The following DRC3 variants were observed in gnomAD, a reference collection of about 807,000 sequenced individuals.
DRC3 encodes leucine rich repeat containing 48.
In DRC3, 45 loss-of-function variants were observed where a neutral mutation model predicts 57.6. That is an observed-to-expected ratio of 0.78 (90% CI 0.62 to 1.00). DRC3 has a LOEUF of 1.00. Among genes scored for constraint, DRC3 ranks in the 50% least tolerant of loss-of-function variants. The pLI is 0.00. For synonymous variants in DRC3, 257 were observed against 272.3 expected (o/e 0.94, Z 0.55); for missense variants, 655 against 675.2 (o/e 0.97, Z 0.33).
Position 18,007,120 on chromosome 17 carries a change from CG to C in DRC3, c.1300del (p.Glu434ArgfsTer30). 1 of 1,223,442 alleles carries C rather than the reference CG, an allele frequency of 8.2e-7. No homozygotes were observed. Among genetic ancestry groups the C allele is most frequent in the Non-Finnish European group, 1.0e-6 (1 of 965,186 alleles). 75.8% of individuals were successfully genotyped at this position (1,223,442 alleles called of 1,614,324 possible). ...LEKIVEGDLDEDLPNDLRALF... is the reference protein window; with the variant it reads ...LEKIVEGDLDXDLPNDLRALF... ...AGAAGATTGTCGAGGGCGACCTGGACGAGGACCTGCCTAACGACCTGCGCGC... is the reference window on the plus strand; with the variant it reads ...AGAAGATTGTCGAGGGCGACCTGGACAGGACCTGCCTAACGACCTGCGCGC... On this transcript the variant is annotated frameshift_variant, in exon 12 of 14. Coordinates refer to ENST00000399187, the MANE Select transcript of DRC3 (RefSeq NM_031294.4). LOFTEE classifies it high-confidence loss of function.
chr17:18,010,203 C>A (rs1360874526), intron 12 of DRC3, among the ~76,000 whole-genome samples: 6 of 152,196 alleles, frequency 3.9e-5, no homozygotes, highest in African/African-American at 1.4e-4. Context: ...TTGGCTTGTC[C>A]CTGCCCATCA....
chr17:17,990,384 G>T (rs139527289), intron 5 of DRC3, among the ~76,000 whole-genome samples: 2 of 152,226 alleles, frequency 1.3e-5, no homozygotes, highest in Non-Finnish European at 2.9e-5. Flanking sequence ...CCCTGACCTT[G>T]TCTCTACTCC....
chr17:18,004,379 G>T lies in DRC3; in HGVS notation c.1016G>T (p.Arg339Leu). 4 of 1,604,844 alleles carry T rather than the reference G, an allele frequency of 2.5e-6. No individual in the cohort carries two copies. Among genetic ancestry groups the T allele is most frequent in the Non-Finnish European group, 3.4e-6 (4 of 1,175,216 alleles). Reference protein sequence around the residue: ...EKHLSSLSAIREELELPNIEK... With the variant: ...EKHLSSLSAILEELELPNIEK... ...TGTTTCTAGAGTTTAAGTGCCATTCGAGAGGAGTTGGAACTGCCCAACATT... is the reference window on the plus strand; with the variant it reads ...TGTTTCTAGAGTTTAAGTGCCATTCTAGAGGAGTTGGAACTGCCCAACATT... The change falls in exon 10 of 14, where the codon CGA becomes CTA. Residue 339 changes from arginine to leucine, a missense_variant. By Grantham distance (102) the Arg-to-Leu change is moderately radical. Coordinates refer to ENST00000399187, the MANE Select transcript of DRC3 (RefSeq NM_031294.4).
chr17:18,012,943 T>C (rs1320693736), intron 12 of DRC3, among the ~76,000 whole-genome samples: 2 of 152,146 alleles, frequency 1.3e-5, no homozygotes, highest in African/African-American at 4.8e-5. Context: ...GAATATACAA[T>C]GAACTCTAAC....
At position 17,992,783 on chromosome 17, in the gene DRC3, T is replaced by C; in HGVS notation, c.463T>C (p.Phe155Leu). The C allele has an allele frequency of 6.2e-7, 1 of 1,613,574 alleles. No individual in the cohort carries two copies. Among genetic ancestry groups the C allele is most frequent in the Non-Finnish European group, 8.5e-7 (1 of 1,179,740 alleles). The change falls in exon 6 of 14, where the codon TTC becomes CTC. Residue 155 changes from phenylalanine (F) to leucine (L), a missense_variant. Coordinates refer to ENST00000399187, the MANE Select transcript of DRC3 (RefSeq NM_031294.4). ...NMMNIIYLRR[F>L]KCLRTLSLSR... Reference sequence around the variant, plus strand: ...TCCCCAGATCATCTACCTCCGGCGGTTCAAGTGCCTGCGGACGCTCAGCCT... The same window carrying C: ...TCCCCAGATCATCTACCTCCGGCGGCTCAAGTGCCTGCGGACGCTCAGCCT...
At chr17:18,011,573 T>C (rs1286207561) in intron 12 of DRC3, 2 of 167,152 alleles carry the variant, frequency 1.2e-5, no homozygotes, top group East Asian at 3.8e-4. Flanking sequence ...TTGGCCTCTG[T>C]GCCCAAGAAG....
At chr17:17,995,210 T>C in intron 8 of DRC3, 99 bp downstream of exon 8, 2 of 820,546 alleles carry the variant, frequency 2.4e-6, no homozygotes. Context: ...ATCTCTCTTG[T>C]AAGACCTTGG....
intron 12 of DRC3, 131 bp downstream of exon 12, chr17:18,007,278 A>G: frequency 9.2e-7 from 1 of 1,089,362 alleles, no homozygotes; most frequent in Non-Finnish European, 1.4e-6. Flanking sequence ...AGGGCACACT[A>G]ACCTGCTTTA....
In DRC3 at chr17:18,007,052, C is replaced by T. The variant is rs200769862; in HGVS notation, c.1231C>T (p.His411Tyr). The T allele has an allele frequency of 1.9e-6, 3 of 1,590,302 alleles. No individual in the cohort carries two copies. The highest frequency in any genetic ancestry group is 3.4e-5 in the Admixed American group (2 of 58,314). ...LMAQCRDLENHHHEKLLEISI... is the reference protein window; with the variant it reads ...LMAQCRDLENYHHEKLLEISI... ...GGCTCAGTGCCGGGACCTGGAGAAT[C>T]ACCACCACGAGAAGCTCCTGGAGAT... The change falls in exon 12 of 14, where the codon CAC becomes TAC. Residue 411 changes from histidine (H) to tyrosine (Y), a missense_variant. By Grantham distance (83) the His-to-Tyr change is moderately conservative. Coordinates refer to ENST00000399187, the MANE Select transcript of DRC3 (RefSeq NM_031294.4).
chr17:17,983,756 C>T (rs140396669), intron 3 of DRC3, 72 bp from the exon 4 acceptor site: 2 of 1,087,180 alleles, frequency 1.8e-6, no homozygotes, highest in East Asian at 2.4e-5. Flanking sequence ...GTGGTTCTGC[C>T]TCACTCCTCC....
intron 8 of DRC3, among the ~76,000 whole-genome samples, chr17:17,995,979 T>C (rs1051634611): frequency 6.6e-6 from 1 of 152,240 alleles, no homozygotes; most frequent in South Asian, 2.1e-4. Context: ...AAGATATACT[T>C]GAGACTGGGC....
At chr17:17,978,885 A>G (rs1425385576) in intron 3 of DRC3, among the ~76,000 whole-genome samples, 8 of 152,226 alleles carry the variant, frequency 5.3e-5, no homozygotes, top group Non-Finnish European at 1.0e-4. Context: ...AGCACTAGGG[A>G]TTCAACTATG....
At chr17:18,012,222 T>G (rs539294038) in intron 12 of DRC3, among the ~76,000 whole-genome samples, 25 of 152,374 alleles carry the variant, frequency 1.6e-4, no homozygotes, top group Non-Finnish European at 3.1e-4. Flanking sequence ...TACAGCCAAC[T>G]GATTTTTGAC....
At chr17:18,013,444 A>G (rs2044238720) in intron 12 of DRC3, among the ~76,000 whole-genome samples, 1 of 152,274 alleles carries the variant, frequency 6.6e-6, no homozygotes, top group Admixed American at 6.5e-5. Context: ...GTACCTATAC[A>G]CAATGGAATA....
Position 17,992,769 on chromosome 17 carries a change from T to C in DRC3, c.449T>C (p.Ile150Thr). Reference protein sequence around the residue: ...NNRIDNMMNIIYLRRFKCLRT... With the variant: ...NNRIDNMMNITYLRRFKCLRT... Reference sequence around the variant, plus strand: ...TTTCTCCCTTTTTCTCCCCAGATCATCTACCTCCGGCGGTTCAAGTGCCTG... The same window carrying C: ...TTTCTCCCTTTTTCTCCCCAGATCACCTACCTCCGGCGGTTCAAGTGCCTG... The change falls in exon 6 of 14, where the codon ATC becomes ACC. Residue 150 changes from isoleucine (I) to threonine (T), a missense_variant. Coordinates refer to ENST00000399187, the MANE Select transcript of DRC3 (RefSeq NM_031294.4). 1 of 1,613,266 alleles carries C rather than the reference T, an allele frequency of 6.2e-7. No individual in the cohort carries two copies. The highest frequency in any genetic ancestry group is 8.5e-7 in the Non-Finnish European group (1 of 1,179,576).
intron 12 of DRC3, 120 bp from the exon 13 acceptor site, chr17:18,015,944 C>T: frequency 9.5e-7 from 1 of 1,057,840 alleles, no homozygotes. Flanking sequence ...AAGGTGGGCT[C>T]TGCTCTGAGT....
Position 18,007,463 on chromosome 17 carries a change from A to G in DRC3, c.1326+316A>G. ...CTTTCTAAGAGAAGCAGTTACAGGTAGAGGTTGAAGTCTGAGATTTCCCCT... is the reference window on the plus strand; with the variant it reads ...CTTTCTAAGAGAAGCAGTTACAGGTGGAGGTTGAAGTCTGAGATTTCCCCT... On this transcript the variant is annotated intron_variant, in intron 12 of 13. Coordinates refer to ENST00000399187, the MANE Select transcript of DRC3 (RefSeq NM_031294.4). 1.9e-6 allele frequency: 3 copies of G among 1,551,366 alleles called. No individual in the cohort carries two copies. The South Asian group carries it at 3.6e-5, about 18-fold the overall frequency.
At chr17:17,997,267 C>T (rs1449068938) in intron 8 of DRC3, among the ~76,000 whole-genome samples, 193 bp from the exon 9 acceptor site, 1 of 152,176 alleles carries the variant, frequency 6.6e-6, no homozygotes, top group Non-Finnish European at 1.5e-5. Context: ...CACATTTTAC[C>T]TACATCTCAA....
intron 7 of DRC3, among the ~76,000 whole-genome samples, 157 bp from the exon 8 acceptor site, chr17:17,994,842 G>A (rs986227764): frequency 6.6e-6 from 1 of 152,158 alleles, no homozygotes; most frequent in Non-Finnish European, 1.5e-5. Context: ...ATAACATTCT[G>A]GAAACAGCCT....
Sources: gnomAD v4.1 joint callset for allele counts (sites outside exome capture counted in the v4.1 genomes callset) on GRCh38, gnomAD v4.1.1 for gene constraint, MANE v1.5 for transcripts, NCBI Gene and HGNC (gene_info 2026-07-23, HGNC 2026-07-21) for gene names.